The following DMD variants were observed in gnomAD, a reference collection of about 807,000 sequenced individuals.
DMD encodes mutant dystrophin.
DMD carries 63 observed loss-of-function variants against 330.1 expected under a neutral mutation model. That is an observed-to-expected ratio of 0.19 (90% CI 0.16 to 0.24). The LOEUF (loss-of-function observed/expected upper bound fraction) is 0.24, where lower values mean the gene tolerates loss of function less well. Among genes scored for constraint, DMD ranks in the 10% least tolerant of loss-of-function variants. DMD has a pLI of 1.00. For synonymous variants in DMD, 1,223 were observed against 959.8 expected (o/e 1.27, Z -5.07); for missense variants, 3,344 against 2,684.1 (o/e 1.25, Z -5.43).
chrX:32,492,068 G>T (rs933355892), intron 19 of DMD, among the ~76,000 whole-genome samples: 2 of 112,115 alleles, frequency 1.8e-5, no homozygotes, highest in East Asian at 5.6e-4. Flanking sequence ...GGCTGGGCAC[G>T]GTGGCTCATG....
intron 12 of DMD, among the ~76,000 whole-genome samples, chrX:32,608,782 T>C (rs756823115): frequency 1.8e-5 from 2 of 110,651 alleles, no homozygotes; most frequent in Non-Finnish European, 1.9e-5. Flanking sequence ...CTGGTTATAA[T>C]ACAGTATTTT....
rs761250595 is a variant in DMD, at chrX:31,992,683, A to AT, written c.6439-24170dup. 4.5e-5 allele frequency among the ~76,000 whole-genome samples: 5 copies of AT among 111,166 alleles called. No homozygotes were observed. In the East Asian group the frequency reaches 1.4e-3, roughly 31 times the overall value. ...TTATTTCTGTAATTTTGCACTTGAT[A>AT]TTTTTTTCAATTTATATAGTCATAT... On this transcript the variant is annotated intron_variant, in intron 44 of 78. Transcript: ENST00000357033.
At chrX:33,320,959 A>T (rs761908211) in intron 1 of DMD, among the ~76,000 whole-genome samples, 1 of 111,956 alleles carries the variant, frequency 8.9e-6, no homozygotes, top group Admixed American at 9.5e-5. Context: ...ACGCTTTATT[A>T]TGAGATTTTA....
chrX:32,425,466 A>C (rs1769105361), intron 29 of DMD, among the ~76,000 whole-genome samples: 1 of 111,188 alleles, frequency 9.0e-6, no homozygotes, highest in Non-Finnish European at 1.9e-5. Flanking sequence ...ATCTTCCCTT[A>C]TACTACAAAC....
intron 71 of DMD, among the ~76,000 whole-genome samples, chrX:31,176,053 A>G (rs1440725977): frequency 1.8e-5 from 2 of 111,732 alleles, no homozygotes; most frequent in African/African-American, 3.2e-5. Context: ...AACATTAGAT[A>G]CAAGTCTTGC....
intron 34 of DMD, among the ~76,000 whole-genome samples, chrX:32,378,029 T>G (rs2097910750): frequency 9.0e-6 from 1 of 111,139 alleles, no homozygotes; most frequent in Non-Finnish European, 1.9e-5. Flanking sequence ...ATTATAAGAA[T>G]ATGAATCAGC....
At chrX:31,571,096 C>T (rs1427270109) in intron 55 of DMD, among the ~76,000 whole-genome samples, 2 of 111,194 alleles carry the variant, frequency 1.8e-5, no homozygotes, top group African/African-American at 6.6e-5. Context: ...ATGAAAAAAT[C>T]AATACTTTAA....
At chrX:32,216,019 A>C (rs978149119) in intron 44 of DMD, among the ~76,000 whole-genome samples, 2 of 112,322 alleles carry the variant, frequency 1.8e-5, no homozygotes, top group Admixed American at 9.5e-5. Flanking sequence ...CAAATGTGAT[A>C]CTGCTTTTGT....
chrX:32,099,422 G>A (rs2096528203), intron 44 of DMD, among the ~76,000 whole-genome samples: 1 of 110,595 alleles, frequency 9.0e-6, no homozygotes, highest in Admixed American at 9.7e-5. Flanking sequence ...AAATCATGCT[G>A]CTATAAAGAC....
At chrX:32,657,032 T>C (rs970384841) in intron 9 of DMD, among the ~76,000 whole-genome samples, 4 of 110,677 alleles carry the variant, frequency 3.6e-5, no homozygotes, top group Non-Finnish European at 7.6e-5. Context: ...TGTGTGTGTG[T>C]GTGTGTGTTT....
At position 32,094,477 on chromosome X, in the gene DMD, T is replaced by C. The variant is rs763599959; in HGVS notation, c.6438+122439A>G. Reference sequence around the variant, plus strand: ...ATATGTAATATCAATAATGCCAAAATGTTTAGTTATTTTTGTGAGATATCT... The same window carrying C: ...ATATGTAATATCAATAATGCCAAAACGTTTAGTTATTTTTGTGAGATATCT... On this transcript the variant is annotated intron_variant, in intron 44 of 78. Transcript: ENST00000357033. 1.9e-3 allele frequency among the ~76,000 whole-genome samples: 208 copies of C among 112,106 alleles called. 1 individual carries two copies. Among genetic ancestry groups the C allele is most frequent in the Middle Eastern group, 9.3e-3 (2 of 214 alleles).
intron 1 of DMD, among the ~76,000 whole-genome samples, chrX:33,056,172 A>G (rs1335911505): frequency 1.8e-5 from 2 of 110,576 alleles, no homozygotes; most frequent in Admixed American, 9.7e-5. Context: ...AGACAGCCCC[A>G]GGCTGCCTAC....
intron 50 of DMD, among the ~76,000 whole-genome samples, chrX:31,778,377 TA>T (rs2090798894): frequency 9.0e-6 from 1 of 111,202 alleles, no homozygotes. Context: ...GAATATACTT[TA>T]AAACATAAAG....
rs1015449513 is a variant in DMD at position 32,464,483 on chromosome X, G to C, written c.3276+103C>G. On this transcript the variant is annotated intron_variant, in intron 24 of 78. Coordinates refer to ENST00000357033, the MANE Select transcript of DMD (RefSeq NM_004006.3). ...CTAGAAACATTAAAAAAAATCCACT[G>C]GGGAGAGGAGAGCAAAATCCACCCC... The C allele has an allele frequency of 1.3e-5, 8 of 614,964 alleles. No individual in the cohort carries two copies. In the African/African-American group the frequency reaches 1.8e-4, roughly 14 times the overall value. 50.7% of individuals were successfully genotyped at this position (614,964 alleles called of 1,213,427 possible). A position where few individuals can be genotyped will look rare whatever the true frequency, so the allele number is the denominator to read the frequency against.
chrX:32,485,422 T>C (rs964915856), intron 20 of DMD, among the ~76,000 whole-genome samples: 1 of 110,991 alleles, frequency 9.0e-6, no homozygotes, highest in Non-Finnish European at 1.9e-5. Context: ...AAATCAAATA[T>C]AGGTGTTTGG....
chrX:31,454,434 G>A (rs974994387), intron 59 of DMD, among the ~76,000 whole-genome samples: 4 of 112,258 alleles, frequency 3.6e-5, no homozygotes, highest in African/African-American at 6.5e-5. Context: ...GAGCCACTGC[G>A]CCTGAAGTTT....
At chrX:32,193,450 G>A (rs924258912) in intron 44 of DMD, among the ~76,000 whole-genome samples, 2 of 111,525 alleles carry the variant, frequency 1.8e-5, no homozygotes, top group African/African-American at 6.5e-5. Flanking sequence ...TATATATTGT[G>A]CATTAATTTA....
chrX:31,575,351 T>C (rs753755945), intron 55 of DMD, among the ~76,000 whole-genome samples: 1 of 111,698 alleles, frequency 9.0e-6, no homozygotes, highest in African/African-American at 3.2e-5. Context: ...ATTGAGACAG[T>C]TGAAAAAAAA....
chrX:33,297,240 T>G (rs1306534924), intron 1 of DMD, among the ~76,000 whole-genome samples: 1 of 111,681 alleles, frequency 9.0e-6, no homozygotes, highest in Admixed American at 9.5e-5. Flanking sequence ...AAATAGACTT[T>G]GATAGTAGAC....
Sources: gnomAD v4.1 joint callset for allele counts (sites outside exome capture counted in the v4.1 genomes callset) on GRCh38, gnomAD v4.1.1 for gene constraint, MANE v1.5 for transcripts, NCBI Gene and HGNC (gene_info 2026-07-23, HGNC 2026-07-21) for gene names.